The following CCDC42 variants were observed in gnomAD, a reference collection of about 807,000 sequenced individuals.
CCDC42 encodes the protein coiled-coil domain-containing protein 42.
A neutral mutation model predicts 40.8 loss-of-function variants in CCDC42; 38 were observed. The observed-to-expected ratio is 0.93, with a 90% CI of 0.72 to 1.22. The LOEUF (loss-of-function observed/expected upper bound fraction) is 1.22. CCDC42 is among the 50% of genes most tolerant of loss of function. CCDC42 has a pLI of 0.00. For synonymous variants in CCDC42, 135 were observed against 157.5 expected (o/e 0.86, Z 1.07); for missense variants, 379 against 416.5 (o/e 0.91, Z 0.78).
intron 4 of CCDC42, among the ~76,000 whole-genome samples, chr17:8,740,042 A>G (rs1418924534): frequency 1.3e-5 from 2 of 152,162 alleles, no homozygotes; most frequent in Non-Finnish European, 2.9e-5. Context: ...ACCTTTAAAC[A>G]GTTGTGCATC....
intron 1 of CCDC42, 96 bp downstream of exon 1, chr17:8,744,431 G>A (rs1308597261): frequency 9.6e-7 from 1 of 1,037,574 alleles, no homozygotes; most frequent in Non-Finnish European, 1.5e-6. Context: ...TGGGTTACAG[G>A]AGAGGAGGGG....
intron 6 of CCDC42, among the ~76,000 whole-genome samples, chr17:8,730,502 G>A (rs1597342770): frequency 6.6e-6 from 1 of 152,052 alleles, no homozygotes; most frequent in Non-Finnish European, 1.5e-5. Flanking sequence ...ACCATGCCCA[G>A]CTAATTTTTG....
intron 2 of CCDC42, among the ~76,000 whole-genome samples, 154 bp downstream of exon 2, chr17:8,743,925 T>C (rs1396508595): frequency 6.6e-6 from 1 of 151,962 alleles, no homozygotes. Context: ...ACCCAGATCC[T>C]TTCTGTTCTC....
intron 6 of CCDC42, among the ~76,000 whole-genome samples, chr17:8,732,275 G>C (rs1426627448): frequency 2.9e-5 from 4 of 137,404 alleles, no homozygotes; most frequent in Non-Finnish European, 4.6e-5. Context: ...CTCCAGCCTG[G>C]GCGACAGAGT....
rs577736789 is a variant in CCDC42, at chr17:8,742,482, T to C, written c.295-811A>G. On this transcript the variant is annotated intron_variant, in intron 3 of 6. Coordinates refer to ENST00000293845, the MANE Select transcript of CCDC42 (RefSeq NM_144681.3). ...TCAGTTACCGCAATCAGTCCAATCC[T>C]GCCTCTTCCTTCTGCAGAGCCCTCC... is the stretch of plus-strand genomic sequence containing the variant. Among the ~76,000 whole-genome samples the C allele has an allele frequency of 2.6e-5, 4 of 152,348 alleles. No homozygotes were observed. The South Asian group carries it at 8.3e-4, about 32-fold the overall frequency.
At chr17:8,731,230 G>A (rs1228786243) in intron 6 of CCDC42, among the ~76,000 whole-genome samples, 1 of 152,154 alleles carries the variant, frequency 6.6e-6, no homozygotes, top group Admixed American at 6.5e-5. Context: ...CACCAGAATG[G>A]CTACTATTAA....
intron 1 of CCDC42, 151 bp downstream of exon 1, chr17:8,744,376 G>A: frequency 1.3e-6 from 1 of 748,040 alleles, no homozygotes; most frequent in Non-Finnish European, 2.3e-6. Flanking sequence ...ACGGGGTGGA[G>A]ACCAGCGTGA....
chr17:8,735,607 T>C lies in CCDC42; in HGVS notation c.497A>G (p.Glu166Gly). ...LEKVVENSEFEEIHEVIARYK... is the reference protein window; with the variant it reads ...LEKVVENSEFGEIHEVIARYK... ...GCGTGCAATCACCTCATGGATCTCC[T>C]CGAACTGTGGTCAGGGGCTCAGGTC... The change falls in exon 5 of 7, where the codon GAG becomes GGG. Residue 166 changes from glutamate to glycine, a missense_variant. Coordinates refer to ENST00000293845, the MANE Select transcript of CCDC42 (RefSeq NM_144681.3). This position sits in a 1 kb window ranked among gnomAD's most constrained non-coding sequence, Gnocchi z 4.7. 6.2e-7 allele frequency: 1 copy of C among 1,613,422 alleles called. No individual in the cohort carries two copies. Among genetic ancestry groups the C allele is most frequent in the Non-Finnish European group, 8.5e-7 (1 of 1,179,724 alleles).
At chr17:8,730,618 G>C (rs1045213735) in intron 6 of CCDC42, among the ~76,000 whole-genome samples, 5 of 152,164 alleles carry the variant, frequency 3.3e-5, no homozygotes, top group African/African-American at 1.2e-4. Flanking sequence ...GGGATTACAG[G>C]CATGAGACAC....
intron 6 of CCDC42, among the ~76,000 whole-genome samples, chr17:8,732,374 C>G (rs965808974): frequency 6.7e-6 from 1 of 148,638 alleles, no homozygotes; most frequent in Non-Finnish European, 1.5e-5. Flanking sequence ...AAAAGGATTT[C>G]AGTTCTAAAA....
At chr17:8,734,888 C>T (rs941510587) in intron 6 of CCDC42, among the ~76,000 whole-genome samples, 5 of 152,204 alleles carry the variant, frequency 3.3e-5, no homozygotes, top group Admixed American at 3.3e-4. Context: ...AATGTAAATT[C>T]ATGAGTTCTC....
At chr17:8,736,840 TA>T (rs2152143095) in intron 4 of CCDC42, among the ~76,000 whole-genome samples, 1 of 151,286 alleles carries the variant, frequency 6.6e-6, no homozygotes, top group South Asian at 2.1e-4. Flanking sequence ...ATGAATGGAA[TA>T]GGGGGTTGTA....
At position 8,735,699 on chromosome 17, in the gene CCDC42, T is replaced by A; in HGVS notation, c.493-88A>T. On this transcript the variant is annotated intron_variant, in intron 4 of 6. Coordinates refer to ENST00000293845, the MANE Select transcript of CCDC42 (RefSeq NM_144681.3). The surrounding 1 kb of genome is among the most constrained non-coding windows in gnomAD (Gnocchi z 4.7). ...CCTGCCAACCTCCAGCCTGGATGCC[T>A]GGACACCTGGACACCTGGGCAGGCA... 4.9e-6 allele frequency: 5 copies of A among 1,019,746 alleles called. No individual in the cohort carries two copies. The highest frequency in any genetic ancestry group is 7.1e-6 in the Non-Finnish European group (5 of 702,308). The allele number at this position is 1,019,746 out of a possible 1,614,324, so 63.2% of individuals were successfully genotyped here. A position where few individuals can be genotyped will look rare whatever the true frequency, so the allele number is the denominator to read the frequency against.
intron 4 of CCDC42, among the ~76,000 whole-genome samples, chr17:8,737,888 T>C (rs2086621027): frequency 6.6e-6 from 1 of 152,244 alleles, no homozygotes. Context: ...TAAACACAGC[T>C]CACTGCAGCC....
chr17:8,740,573 C>T (rs2086636971), intron 4 of CCDC42, among the ~76,000 whole-genome samples: 1 of 151,730 alleles, frequency 6.6e-6, no homozygotes, highest in South Asian at 2.1e-4. Context: ...GAAGAGGCGC[C>T]CCCGCCGGAG....
chr17:8,733,995 C>T (rs2086595455), intron 6 of CCDC42, among the ~76,000 whole-genome samples: 1 of 135,398 alleles, frequency 7.4e-6, no homozygotes, highest in South Asian at 2.3e-4. Context: ...CACACAGTGG[C>T]ATTTCCCAGA....
At chr17:8,732,906 C>T (rs996412502) in intron 6 of CCDC42, among the ~76,000 whole-genome samples, 8 of 152,130 alleles carry the variant, frequency 5.3e-5, no homozygotes, top group African/African-American at 1.2e-4. Context: ...TCTGCAGAAT[C>T]GCTTTTCCTA....
rs142152458 is a variant in CCDC42 at position 8,738,266 on chromosome 17, G to A, written c.493-2655C>T. On this transcript the variant is annotated intron_variant, in intron 4 of 6. Transcript: ENST00000293845. ...ATACTGCAGAGAGACGCAAATGGATGAAAATATATTGTTTGCTTCAAAATG... is the reference window on the plus strand; with the variant it reads ...ATACTGCAGAGAGACGCAAATGGATAAAAATATATTGTTTGCTTCAAAATG... Among the ~76,000 whole-genome samples the A allele has an allele frequency of 2.0e-3, 303 of 152,296 alleles. 4 individuals are homozygous for A. The highest frequency in any genetic ancestry group is 6.3e-3 in the African/African-American group (262 of 41,548).
At chr17:8,739,124 G>C (rs774058783) in intron 4 of CCDC42, among the ~76,000 whole-genome samples, 9 of 152,216 alleles carry the variant, frequency 5.9e-5, no homozygotes, top group Non-Finnish European at 1.0e-4. Flanking sequence ...AGAAAGAGAG[G>C]GGGGCTGGGG....
Sources: gnomAD v4.1 joint callset for allele counts (sites outside exome capture counted in the v4.1 genomes callset) on GRCh38, gnomAD v4.1.1 for gene constraint, Gnocchi (gnomAD v3.1) non-coding constraint, MANE v1.5 for transcripts, NCBI Gene and HGNC (gene_info 2026-07-23, HGNC 2026-07-21) for gene names.